MYO9B: variants seen among roughly 807,000 people sequenced by gnomAD.
The protein encoded by MYO9B is myosin IXB.
In MYO9B, 71 loss-of-function variants were observed where a neutral mutation model predicts 229.5. That is an observed-to-expected ratio of 0.31 (90% CI 0.26 to 0.38). The LOEUF is 0.38. MYO9B is among the 10% of genes least tolerant of loss of function. MYO9B has a pLI of 1.00. For missense variants in MYO9B, 2,255 were observed against 2,920.5 expected (o/e 0.77, Z 5.25); for synonymous variants, 1,185 against 1,235.8 (o/e 0.96, Z 0.86).
chr19:17,114,842 G>A (rs966230493), intron 2 of MYO9B, among the ~76,000 whole-genome samples: 2 of 151,426 alleles, frequency 1.3e-5, no homozygotes, highest in Non-Finnish European at 2.9e-5. Context: ...CGGGAAACAG[G>A]ATCAGCGGCC....
At chr19:17,090,329 T>C (rs1025594465) in intron 1 of MYO9B, among the ~76,000 whole-genome samples, 1 of 151,940 alleles carries the variant, frequency 6.6e-6, no homozygotes, top group South Asian at 2.1e-4. Flanking sequence ...TTGTTTTTTT[T>C]CTGTAGAGAC....
At chr19:17,098,945 AAAG>A (rs201936802) in intron 1 of MYO9B, among the ~76,000 whole-genome samples, 8,536 of 146,108 alleles carry the variant, frequency 0.058, 234 homozygotes, top group South Asian at 0.098. Context: ...AAAAAAAAAA[AAAG>A]AAGAAGAAAC....
Position 17,202,035 on chromosome 19 carries a change from G to C in MYO9B, c.4662+11G>C. The C allele has an allele frequency of 1.2e-6, 2 of 1,611,748 alleles. No individual in the cohort carries two copies. Among genetic ancestry groups the C allele is most frequent in the Non-Finnish European group, 1.7e-6 (2 of 1,178,894 alleles). On this transcript the variant is annotated intron_variant, in intron 27 of 39. Transcript: ENST00000682292. ...ATGTACTCTGTCCCGGTATGTGGCG[G>C]CCCGGCCTTCAGCCTTTCCCATACC...
chr19:17,154,261 C>T (rs934244580), intron 5 of MYO9B, 54 bp from the exon 6 acceptor site: 14 of 1,544,324 alleles, frequency 9.1e-6, no homozygotes, highest in East Asian at 4.5e-5. Context: ...CACTCTGGCA[C>T]GCCACCCTTG....
At chr19:17,109,226 C>T (rs895554297) in intron 2 of MYO9B, among the ~76,000 whole-genome samples, 5 of 151,838 alleles carry the variant, frequency 3.3e-5, no homozygotes, top group Non-Finnish European at 7.4e-5. Flanking sequence ...CCACCACACC[C>T]AGCTAATTTT....
intron 1 of MYO9B, among the ~76,000 whole-genome samples, chr19:17,086,117 T>C (rs970942484): frequency 2.6e-5 from 4 of 152,164 alleles, no homozygotes; most frequent in Non-Finnish European, 5.9e-5. Context: ...GATGGTGACA[T>C]TTTCTTAATG....
chr19:17,174,262 A>G (rs1008457040), intron 13 of MYO9B, among the ~76,000 whole-genome samples: 1 of 151,180 alleles, frequency 6.6e-6, no homozygotes, highest in East Asian at 2.0e-4. Context: ...CGATCTCCTG[A>G]CCTCACGATC....
chr19:17,194,733 G>C lies in MYO9B; in HGVS notation c.3306G>C (p.Glu1102Asp), dbSNP rs545758135. 6.2e-7 allele frequency: 1 copy of C among 1,613,064 alleles called. No homozygotes were observed. Among genetic ancestry groups the C allele is most frequent in the African/African-American group, 1.3e-5 (1 of 75,036 alleles). Reference protein sequence around the residue: ...EDGGHLASEPEVQPSDRSPLE... With the variant: ...EDGGHLASEPDVQPSDRSPLE... ...GCGGGCACCTGGCATCGGAGCCTGA[G>C]GTGCAGCCAAGTGACAGGTCCCCCC... Residue 1102 changes from glutamate to aspartate, a missense_variant, in exon 22 of 40, where the codon GAG (glutamate) becomes GAC (aspartate). Transcript: ENST00000682292.
chr19:17,135,750 A>G (rs1444404861), intron 2 of MYO9B, among the ~76,000 whole-genome samples: 1 of 152,116 alleles, frequency 6.6e-6, no homozygotes, highest in Non-Finnish European at 1.5e-5. Context: ...TTGGGCAGCC[A>G]TGGTGGTGGG....
In MYO9B at chr19:17,212,434, G is replaced by A. The variant is rs1348083927; in HGVS notation, c.*124G>A. The stretch of plus-strand genomic sequence containing the variant: ...CCAGAATCAAAAGCTCAAGAGTGAC[G>A]TGAGGTGGGCACCGGCCCCAAGTGC... On this transcript the variant is annotated 3_prime_UTR_variant, in exon 40 of 40. Transcript: ENST00000682292. The surrounding 1 kb of genome is among the most constrained non-coding windows in gnomAD (Gnocchi z 5.4). The A allele has an allele frequency of 1.6e-5, 20 of 1,218,356 alleles. No homozygotes were observed. The highest frequency in any genetic ancestry group is 8.5e-5 in the East Asian group (3 of 35,286). The allele number at this position is 1,218,356 out of a possible 1,614,324, so 75.5% of individuals were successfully genotyped here. A position where few individuals can be genotyped will look rare whatever the true frequency, so the allele number is the denominator to read the frequency against.
intron 19 of MYO9B, among the ~76,000 whole-genome samples, chr19:17,190,620 A>G (rs1345425532): frequency 3.4e-5 from 5 of 148,380 alleles, no homozygotes; most frequent in African/African-American, 1.2e-4. Context: ...CCTGGGTAAC[A>G]AAGTGAGACC....
chr19:17,098,575 T>C (rs749533534), intron 1 of MYO9B, among the ~76,000 whole-genome samples: 8 of 152,152 alleles, frequency 5.3e-5, no homozygotes, highest in African/African-American at 9.6e-5. Context: ...TCCAAGCCCC[T>C]AGGTGGGCTG....
At chr19:17,210,678 A>G (rs12982797) in intron 37 of MYO9B, 37 bp from the exon 38 acceptor site, 666,990 of 1,499,240 alleles carry the variant, frequency 0.44, 156,128 homozygotes, top group East Asian at 0.75. Flanking sequence ...TCGCCCACTC[A>G]GAGATGTCAG....
intron 19 of MYO9B, among the ~76,000 whole-genome samples, chr19:17,189,303 G>C (rs929614276): frequency 1.4e-4 from 22 of 152,032 alleles, no homozygotes; most frequent in Admixed American, 1.4e-3. Flanking sequence ...TTCCAGCCTG[G>C]ATGGCAGAGC....
At chr19:17,152,794 G>C in intron 4 of MYO9B, 88 bp downstream of exon 4, 1 of 1,201,318 alleles carries the variant, frequency 8.3e-7, no homozygotes, top group Non-Finnish European at 1.2e-6. Flanking sequence ...CAAACGTCCT[G>C]AGGTCGGAGG....
At chr19:17,125,158 G>A (rs1217216192) in intron 2 of MYO9B, among the ~76,000 whole-genome samples, 3 of 151,968 alleles carry the variant, frequency 2.0e-5, no homozygotes, top group East Asian at 1.9e-4. Context: ...AAACTTAGCC[G>A]GGCGTGGTGG....
chr19:17,185,005 G>C lies in MYO9B; in HGVS notation c.2496+18G>C. The C allele has an allele frequency of 6.2e-7, 1 of 1,613,688 alleles. No individual in the cohort carries two copies. On this transcript the variant is annotated intron_variant, in intron 17 of 39. Transcript: ENST00000682292. ...AGTTCCAGGTAGGTGGAGCAGGAGA[G>C]GCAGAAGGTGGCGGTCAGCTCAGCC... is the stretch of plus-strand genomic sequence containing the variant.
intron 8 of MYO9B, among the ~76,000 whole-genome samples, chr19:17,160,177 C>T (rs535455728): frequency 6.6e-6 from 1 of 152,240 alleles, no homozygotes; most frequent in South Asian, 2.1e-4. Context: ...TTTAGCCCCT[C>T]ACCCGATGGG....
intron 2 of MYO9B, among the ~76,000 whole-genome samples, chr19:17,124,496 G>A (rs1188758652): frequency 6.6e-6 from 1 of 152,150 alleles, no homozygotes; most frequent in Non-Finnish European, 1.5e-5. Context: ...ACACAGCTGG[G>A]CGTGGGGGCT....
Sources: allele counts gnomAD v4.1 joint callset (sites outside exome capture counted in the v4.1 genomes callset), GRCh38; gene constraint gnomAD v4.1.1; non-coding constraint Gnocchi (gnomAD v3.1); transcripts MANE v1.5; gene names NCBI Gene and HGNC (gene_info 2026-07-23, HGNC 2026-07-21).